CDK9: variants seen among roughly 807,000 people sequenced by gnomAD.
CDK9 encodes the protein cyclin dependent kinase 9, also known as cyclin-dependent kinase 9.
In CDK9, 34 loss-of-function variants were observed where a neutral mutation model predicts 39.0. The ratio of observed to expected loss-of-function variants is 0.87; its 90% confidence interval spans 0.66 to 1.16. The LOEUF is 1.16. Among genes scored for constraint, CDK9 ranks in the 50% most tolerant of loss-of-function variants. The probability of loss-of-function intolerance (pLI) is 0.00; values close to 1 mark genes in which losing one functional copy is unlikely to be tolerated. For missense variants in CDK9, 369 were observed against 503.2 expected, an observed-to-expected ratio of 0.73 and a Z score of 2.55; for synonymous variants, 233 against 196.2, an observed-to-expected ratio of 1.19 and a Z score of -1.57.
At chr9:127,787,672 G>C in intron 3 of CDK9, 64 bp downstream of exon 3, 2 of 1,256,126 alleles carry the variant, frequency 1.6e-6, no homozygotes, top group Non-Finnish European at 2.3e-6. Context: ...TGTAAACTTG[G>C]AACTAGGCAC....
At position 127,789,052 on chromosome 9, in the gene CDK9, G is replaced by A; in HGVS notation, c.754-126G>A. The A allele has an allele frequency of 4.0e-6, 5 of 1,262,698 alleles. No individual in the cohort carries two copies. Among genetic ancestry groups the A allele is most frequent in the Non-Finnish European group, 5.4e-6 (5 of 925,014 alleles). The allele number at this position is 1,262,698 out of a possible 1,614,324, so 78.2% of individuals were successfully genotyped here. ...ATAGCGGGCACTGCTTCTGGGAGGG[G>A]TCGAGTAGCAGTCTGGGAGCCTCCG... is the stretch of plus-strand genomic sequence containing the variant. On this transcript the variant is annotated intron_variant, in intron 6 of 6. Transcript: ENST00000373264. The surrounding 1 kb of genome is among the most constrained non-coding windows in gnomAD (Gnocchi z 5.2).
Position 127,789,780 on chromosome 9 carries a change from T to C in CDK9, c.*237T>C, listed in dbSNP as rs1372034950. 1 of 577,044 alleles carries C rather than the reference T, an allele frequency of 1.7e-6. No homozygotes were observed. The highest frequency in any genetic ancestry group is 3.0e-6 in the Non-Finnish European group (1 of 332,018). 35.7% of individuals were successfully genotyped at this position (577,044 alleles called of 1,614,324 possible). The stretch of plus-strand genomic sequence containing the variant: ...CTGGATGGTTCCCAGAGGGTTTCCA[T>C]GGGGTAGGAGGATGGGCTCGCCCAC... On this transcript the variant is annotated 3_prime_UTR_variant, in exon 7 of 7. Transcript: ENST00000373264. The surrounding 1 kb of genome is among the most constrained non-coding windows in gnomAD (Gnocchi z 5.2).
At chr9:127,786,812 C>T in intron 2 of CDK9, 30 bp downstream of exon 2, 4 of 1,595,898 alleles carry the variant, frequency 2.5e-6, no homozygotes, top group Non-Finnish European at 3.4e-6. Context: ...GCGGGCCGGC[C>T]GGCTAACTGC....
rs770113642 is a variant in CDK9 at position 127,789,501 on chromosome 9, TC to T, written c.1080del (p.Ala361ProfsTer30). On this transcript the variant is annotated frameshift_variant, in exon 7 of 7. Coordinates refer to ENST00000373264, the MANE Select transcript of CDK9 (RefSeq NM_001261.4). LOFTEE classifies it high-confidence loss of function. The surrounding 1 kb of genome is among the most constrained non-coding windows in gnomAD (Gnocchi z 5.2). ...AGCAGTCCACCAACCAGAGTCGCAA[TC>T]CCGCCACCACCAACCAGACGGAGTT... ...TQQSTNQSRN[P>X]ATTNQTEFER... The T allele has an allele frequency of 5.0e-6, 8 of 1,613,936 alleles. No homozygotes were observed.
At chr9:127,787,060 C>G (rs938460358) in intron 2 of CDK9, among the ~76,000 whole-genome samples, 1 of 152,122 alleles carries the variant, frequency 6.6e-6, no homozygotes, top group African/African-American at 2.4e-5. Flanking sequence ...TTAAATTTCG[C>G]TTAATGTAAA....
intron 2 of CDK9, among the ~76,000 whole-genome samples, chr9:127,787,028 C>T (rs1209553808): frequency 6.6e-6 from 1 of 152,190 alleles, no homozygotes; most frequent in Non-Finnish European, 1.5e-5. Context: ...GTTAGGAAGC[C>T]TTTAAACACC....
rs865941710 is a variant in CDK9 at position 127,788,364 on chromosome 9, C to T, written c.583C>T (p.Arg195Trp). ...CAACCGTGTGGTGACACTCTGGTAC[C>T]GGCCCCCGGAGCTGTTGCTCGGTGA... Reference protein sequence around the residue: ...YTNRVVTLWYRPPELLLGERD... With the variant: ...YTNRVVTLWYWPPELLLGERD... The change falls in exon 5 of 7, where the codon CGG (arginine) becomes TGG (tryptophan). Residue 195 changes from arginine (R) to tryptophan (W), a missense_variant. Physicochemically the swap from Arg to Trp is moderately radical, Grantham distance 101. Coordinates refer to ENST00000373264, the MANE Select transcript of CDK9 (RefSeq NM_001261.4). 14 of 1,612,540 alleles carry T rather than the reference C, an allele frequency of 8.7e-6. No individual in the cohort carries two copies. Among genetic ancestry groups the T allele is most frequent in the African/African-American group, 1.3e-5 (1 of 75,062 alleles).
chr9:127,787,809 C>T (rs1564432879), intron 3 of CDK9, 138 bp from the exon 4 acceptor site: 4 of 987,478 alleles, frequency 4.1e-6, no homozygotes, highest in Admixed American at 2.1e-5. Flanking sequence ...AAATATTTGA[C>T]CGGTGAAGGA....
At chr9:127,787,694 C>G in intron 3 of CDK9, 86 bp downstream of exon 3, 2 of 1,025,068 alleles carry the variant, frequency 2.0e-6, no homozygotes, top group Non-Finnish European at 3.1e-6. Context: ...CCTAAACTGC[C>G]TCTTCTTAAC....
In CDK9 at chr9:127,787,919, C is replaced by G. The variant is rs3217743; in HGVS notation, c.266-28C>G. 9,079 of 1,611,906 alleles carry G rather than the reference C, an allele frequency of 5.6e-3. 463 individuals are homozygous for G. In the African/African-American group the frequency reaches 0.11, roughly 19 times the overall value. ...AGTGTGTTGGGTGTGGTTTTCTTGACTTTTTCTTCTTTCTATTCCTGCCTC... is the reference window on the plus strand; with the variant it reads ...AGTGTGTTGGGTGTGGTTTTCTTGAGTTTTTCTTCTTTCTATTCCTGCCTC... On this transcript the variant is annotated intron_variant, in intron 3 of 6. Coordinates refer to ENST00000373264, the MANE Select transcript of CDK9 (RefSeq NM_001261.4).
At chr9:127,788,878 C>A (rs1040806763) in intron 6 of CDK9, among the ~76,000 whole-genome samples, 186 bp downstream of exon 6, 1 of 152,124 alleles carries the variant, frequency 6.6e-6, no homozygotes, top group African/African-American at 2.4e-5. Context: ...AGTCTCGGTT[C>A]CATCAGCTGT....
At position 127,789,698 on chromosome 9, in the gene CDK9, G is replaced by A. The variant is rs962463813; in HGVS notation, c.*155G>A. Reference sequence around the variant, plus strand: ...AGCAGCCCGCTGAGTGGACTGGAGTGGAGCATTGGCTGAGAGACCAGGAGG... The same window carrying A: ...AGCAGCCCGCTGAGTGGACTGGAGTAGAGCATTGGCTGAGAGACCAGGAGG... On this transcript the variant is annotated 3_prime_UTR_variant, in exon 7 of 7. Transcript: ENST00000373264. The surrounding 1 kb of genome is among the most constrained non-coding windows in gnomAD (Gnocchi z 5.2). 3 of 978,730 alleles carry A rather than the reference G, an allele frequency of 3.1e-6. No homozygotes were observed. Among genetic ancestry groups the A allele is most frequent in the Non-Finnish European group, 4.4e-6 (3 of 679,520 alleles). 60.6% of individuals were successfully genotyped at this position (978,730 alleles called of 1,614,324 possible). A position where few individuals can be genotyped will look rare whatever the true frequency, so the allele number is the denominator to read the frequency against.
Position 127,786,733 on chromosome 9 carries a change from G to T in CDK9, c.125G>T (p.Gly42Val), listed in dbSNP as rs747453571. The change falls in exon 2 of 7, where the codon GGC (glycine) becomes GTC (valine). Residue 42 changes from glycine to valine, a missense_variant. Physicochemically the swap from Gly to Val is moderately radical, Grantham distance 109 (BLOSUM62 -3). Coordinates refer to ENST00000373264, the MANE Select transcript of CDK9 (RefSeq NM_001261.4). ...EVFKARHRKTGQKVALKKVLM... is the reference protein window; with the variant it reads ...EVFKARHRKTVQKVALKKVLM... ...TTCAAGGCCAGGCACCGCAAGACCG[G>T]CCAGAAGGTGGCTCTGAAGAAGGTG... 2.5e-6 allele frequency: 4 copies of T among 1,613,920 alleles called. No homozygotes were observed. The highest frequency in any genetic ancestry group is 2.5e-6 in the Non-Finnish European group (3 of 1,179,978).
In CDK9 at chr9:127,786,146, G is replaced by GCCATGGCC; in HGVS notation, c.5_6insCCCATGGC. 6.3e-7 allele frequency: 1 copy of GCCATGGCC among 1,596,734 alleles called. No homozygotes were observed. Among genetic ancestry groups the GCCATGGCC allele is most frequent in the Non-Finnish European group, 8.5e-7 (1 of 1,172,888 alleles). On this transcript the variant is annotated 5_prime_UTR_variant, in exon 1 of 7. The change creates a new upstream start codon in the 5' untranslated region. Coordinates refer to ENST00000373264, the MANE Select transcript of CDK9 (RefSeq NM_001261.4). Reference sequence around the variant, plus strand: ...GGGCGGCGGCGGCGCGTTGGAGGCGGCCATGGCAAAGCAGTACGACTCGGT... The same window carrying GCCATGGCC: ...GGGCGGCGGCGGCGCGTTGGAGGCGGCCATGGCCCCATGGCAAAGCAGTACGACTCGGT...
chr9:127,788,120 G>GAGGA lies in CDK9; in HGVS notation c.432+7_432+8insAGGA. 6.2e-7 allele frequency: 1 copy of GAGGA among 1,614,160 alleles called. No homozygotes were observed. The highest frequency in any genetic ancestry group is 8.5e-7 in the Non-Finnish European group (1 of 1,180,020). On this transcript the variant is annotated splice_region_variant and intron_variant, in intron 4 of 6. Transcript: ENST00000373264. ...CTACATCCACAGAAACAAGGTGGGG[G>GAGGA]CCAGAGCTGGGAGGAGGACCCAGGC...
In CDK9 at chr9:127,789,510, C is replaced by T; in HGVS notation, c.1086C>T (p.Thr362=). ...QSTNQSRNPA[T]TNQTEFERVF is the part of the protein sequence containing the mutation. ...CCAACCAGAGTCGCAATCCCGCCAC[C>T]ACCAACCAGACGGAGTTTGAGCGCG... The change falls in exon 7 of 7, where the codon ACC becomes ACT. Residue 362 remains threonine (T), a synonymous_variant. Transcript: ENST00000373264. The surrounding 1 kb of genome is among the most constrained non-coding windows in gnomAD (Gnocchi z 5.2). 2 of 1,614,178 alleles carry T rather than the reference C, an allele frequency of 1.2e-6. No individual in the cohort carries two copies. The highest frequency in any genetic ancestry group is 1.7e-6 in the Non-Finnish European group (2 of 1,180,024).
rs3217742 is a variant in CDK9 at position 127,787,855 on chromosome 9, C to T, written c.266-92C>T. 26,065 of 1,364,338 alleles carry T rather than the reference C, an allele frequency of 0.019. 3,627 individuals carry two copies. In the African/African-American group the frequency reaches 0.31, roughly 16 times the overall value. The allele number at this position is 1,364,338 out of a possible 1,614,324, so 84.5% of individuals were successfully genotyped here. A position where few individuals can be genotyped will look rare whatever the true frequency, so the allele number is the denominator to read the frequency against. On this transcript the variant is annotated intron_variant, in intron 3 of 6. Coordinates refer to ENST00000373264, the MANE Select transcript of CDK9 (RefSeq NM_001261.4). The stretch of plus-strand genomic sequence containing the variant: ...AGATGCTCTGGAGGGCATGGGTGCC[C>T]GTGGGTTGGAGCAGGAAGAAAGAAG...
At position 127,789,277 on chromosome 9, in the gene CDK9, GA is replaced by G; in HGVS notation, c.854del (p.Asp285AlafsTer48). The G allele has an allele frequency of 6.2e-7, 1 of 1,613,924 alleles. No homozygotes were observed. The highest frequency in any genetic ancestry group is 8.5e-7 in the Non-Finnish European group (1 of 1,179,978). On this transcript the variant is annotated frameshift_variant, in exon 7 of 7. Transcript: ENST00000373264. LOFTEE classifies it high-confidence loss of function. The surrounding 1 kb of genome is among the most constrained non-coding windows in gnomAD (Gnocchi z 5.2). ...VKDRLKAYVRDPYALDLIDKL... is the reference protein window; with the variant it reads ...VKDRLKAYVRXPYALDLIDKL... ...GGACAGGCTGAAGGCCTATGTGCGT[GA>G]CCCATACGCACTGGACCTCATCGAC...
chr9:127,786,144 C>T lies in CDK9; in HGVS notation c.-5C>T, dbSNP rs753542894. 14 of 1,591,900 alleles carry T rather than the reference C, an allele frequency of 8.8e-6. No individual in the cohort carries two copies. Among genetic ancestry groups the T allele is most frequent in the Admixed American group, 1.7e-5 (1 of 57,956 alleles). ...GGGGGCGGCGGCGGCGCGTTGGAGG[C>T]GGCCATGGCAAAGCAGTACGACTCG... On this transcript the variant is annotated 5_prime_UTR_variant, in exon 1 of 7. Transcript: ENST00000373264.
Sources: gnomAD v4.1 joint callset for allele counts (sites outside exome capture counted in the v4.1 genomes callset) on GRCh38, gnomAD v4.1.1 for gene constraint, Gnocchi (gnomAD v3.1) non-coding constraint, MANE v1.5 for transcripts, NCBI Gene and HGNC (gene_info 2026-07-23, HGNC 2026-07-21) for gene names.